GSTCD: variants seen among roughly 807,000 people sequenced by gnomAD.
GSTCD encodes the protein glutathione S-transferase C-terminal domain-containing protein.
GSTCD carries 44 observed loss-of-function variants against 68.3 expected under a neutral mutation model. That is an observed-to-expected ratio of 0.64 (90% confidence interval 0.51 to 0.83). The LOEUF (loss-of-function observed/expected upper bound fraction) is 0.83. GSTCD is among the 40% of genes least tolerant of loss of function. The probability of loss-of-function intolerance (pLI) is 0.00; values close to 1 mark genes in which losing one functional copy is unlikely to be tolerated. For synonymous variants in GSTCD, 273 were observed against 255.2 expected, an observed-to-expected ratio of 1.07 and a Z score of -0.67; for missense variants, 739 against 735.9, an observed-to-expected ratio of 1.00 and a Z score of -0.05.
At chr4:105,792,895 A>G (rs573207253) in intron 5 of GSTCD, among the ~76,000 whole-genome samples, 2 of 152,232 alleles carry the variant, frequency 1.3e-5, no homozygotes, top group South Asian at 4.1e-4. Context: ...TTTATGTGCA[A>G]ATATGAAACA....
chr4:105,787,028 T>G lies in GSTCD; in HGVS notation c.1241-35926T>G, dbSNP rs114356555. On this transcript the variant is annotated intron_variant, in intron 5 of 11. Coordinates refer to ENST00000515279, the MANE Select transcript of GSTCD (RefSeq NM_001370181.1). ...GAAAACATACACCCAAACAAAAACT[T>G]GTGCAATGAATGGTCATGTATGTGC... 7.9e-3 allele frequency among the ~76,000 whole-genome samples: 1,200 copies of G among 152,172 alleles called. 24 individuals carry two copies. Among genetic ancestry groups the G allele is most frequent in the African/African-American group, 0.027 (1,106 of 41,430 alleles).
chr4:105,825,638 C>A, intron 7 of GSTCD, 34 bp from the exon 8 acceptor site: 3 of 1,222,186 alleles, frequency 2.5e-6, no homozygotes, highest in Non-Finnish European at 2.4e-6. Context: ...AATTATGTTA[C>A]TAAATATACT....
At chr4:105,738,326 C>T (rs1452471487) in intron 5 of GSTCD, among the ~76,000 whole-genome samples, 1 of 152,108 alleles carries the variant, frequency 6.6e-6, no homozygotes, top group African/African-American at 2.4e-5. Flanking sequence ...TTGTATGAGG[C>T]CTTCAGCTTT....
At chr4:105,817,534 G>A (rs574329657) in intron 5 of GSTCD, among the ~76,000 whole-genome samples, 42 of 152,004 alleles carry the variant, frequency 2.8e-4, no homozygotes, top group Admixed American at 7.2e-4. Flanking sequence ...CAAGAAAATT[G>A]TCACATTGAG....
intron 8 of GSTCD, among the ~76,000 whole-genome samples, chr4:105,832,179 T>C (rs143740128): frequency 1.2e-4 from 19 of 152,302 alleles, no homozygotes; most frequent in African/African-American, 4.6e-4. Context: ...AACCAAACAT[T>C]ACTTATTAAA....
intron 5 of GSTCD, among the ~76,000 whole-genome samples, chr4:105,763,439 C>T (rs1459588758): frequency 6.6e-6 from 1 of 152,074 alleles, no homozygotes; most frequent in Non-Finnish European, 1.5e-5. Context: ...TGCTGTCATC[C>T]CATTGCACAG....
intron 5 of GSTCD, among the ~76,000 whole-genome samples, chr4:105,757,717 T>A (rs1370446948): frequency 2.6e-5 from 4 of 152,224 alleles, no homozygotes; most frequent in Non-Finnish European, 5.9e-5. Flanking sequence ...TTGTGATTAT[T>A]ATATTTAATT....
intron 5 of GSTCD, among the ~76,000 whole-genome samples, chr4:105,755,089 A>T: frequency 1.1e-5 from 1 of 87,112 alleles, no homozygotes; most frequent in Non-Finnish European, 2.4e-5. Context: ...AAAAAAAAAA[A>T]AAAAAAAAAA....
At chr4:105,799,903 T>C (rs920031979) in intron 5 of GSTCD, among the ~76,000 whole-genome samples, 3 of 151,838 alleles carry the variant, frequency 2.0e-5, no homozygotes, top group Non-Finnish European at 1.5e-5. Flanking sequence ...TTCTTACTTA[T>C]AAGTGGGAGC....
intron 5 of GSTCD, among the ~76,000 whole-genome samples, chr4:105,749,366 G>C (rs1733926336): frequency 6.6e-6 from 1 of 151,748 alleles, no homozygotes; most frequent in South Asian, 2.1e-4. Flanking sequence ...TGTAGCTGTA[G>C]ACAAGCTTAT....
intron 8 of GSTCD, among the ~76,000 whole-genome samples, chr4:105,829,582 G>C (rs1050296102): frequency 2.6e-5 from 4 of 152,098 alleles, no homozygotes; most frequent in African/African-American, 9.7e-5. Context: ...TTTATAAAAC[G>C]ATCAGATTTC....
At chr4:105,757,122 T>C (rs1416439740) in intron 5 of GSTCD, among the ~76,000 whole-genome samples, 4 of 152,202 alleles carry the variant, frequency 2.6e-5, no homozygotes, top group Non-Finnish European at 5.9e-5. Context: ...GTTCGTACTA[T>C]AATTCTCTGA....
At chr4:105,778,882 T>G (rs1040513508) in intron 5 of GSTCD, among the ~76,000 whole-genome samples, 2 of 152,120 alleles carry the variant, frequency 1.3e-5, no homozygotes, top group Non-Finnish European at 2.9e-5. Flanking sequence ...ATCTTTACTT[T>G]ATTTCTCTCC....
rs535505078 is a variant in GSTCD, at chr4:105,733,108, C to G, written c.1240+3609C>G. Reference sequence around the variant, plus strand: ...TTGCTGAGGAGTGCTTTACTTCCAACTATGTGGTCAATTTTGGAATAAGTG... The same window carrying G: ...TTGCTGAGGAGTGCTTTACTTCCAAGTATGTGGTCAATTTTGGAATAAGTG... On this transcript the variant is annotated intron_variant, in intron 5 of 11. Coordinates refer to ENST00000515279, the MANE Select transcript of GSTCD (RefSeq NM_001370181.1). Among the ~76,000 whole-genome samples, 15 of 152,206 alleles carry G rather than the reference C, an allele frequency of 9.9e-5. No individual in the cohort carries two copies. The South Asian group carries it at 1.2e-3, about 13-fold the overall frequency.
intron 5 of GSTCD, among the ~76,000 whole-genome samples, chr4:105,741,928 TAAG>T (rs1485325844): frequency 6.6e-6 from 1 of 151,562 alleles, no homozygotes; most frequent in African/African-American, 2.4e-5. Flanking sequence ...TGCATGATAA[TAAG>T]ATCTTTGTGA....
In GSTCD at chr4:105,845,838, G is replaced by C. The variant is rs916976502; in HGVS notation, c.*261G>C. 1 of 406,978 alleles carries C rather than the reference G, an allele frequency of 2.5e-6. No individual in the cohort carries two copies. Among genetic ancestry groups the C allele is most frequent in the Non-Finnish European group, 4.5e-6 (1 of 221,564 alleles). The allele number at this position is 406,978 out of a possible 1,614,324, so 25.2% of individuals were successfully genotyped here. A position where few individuals can be genotyped will look rare whatever the true frequency, so the allele number is the denominator to read the frequency against. On this transcript the variant is annotated 3_prime_UTR_variant, in exon 12 of 12. Transcript: ENST00000515279. ...CTCAGCTGCCAAAAGAATAATACTA[G>C]TGGAGGTTCCATCACAGGAATAACA...
chr4:105,747,280 A>G (rs149015167), intron 5 of GSTCD, among the ~76,000 whole-genome samples: 79 of 152,388 alleles, frequency 5.2e-4, no homozygotes, highest in African/African-American at 1.8e-3. Flanking sequence ...GGACATGCAG[A>G]TGCTGCTTTG....
At chr4:105,840,654 C>T (rs1003003345) in intron 10 of GSTCD, among the ~76,000 whole-genome samples, 6 of 152,218 alleles carry the variant, frequency 3.9e-5, no homozygotes, top group Non-Finnish European at 7.3e-5. Flanking sequence ...TTCATTTCAA[C>T]TCTGCCTAAT....
chr4:105,840,097 T>G (rs1371740540), intron 10 of GSTCD: 1 of 402,818 alleles, frequency 2.5e-6, no homozygotes, highest in African/African-American at 2.1e-5. Context: ...TGCCTTGCCC[T>G]TTCAGAACTT....
Sources: allele counts gnomAD v4.1 joint callset (sites outside exome capture counted in the v4.1 genomes callset), GRCh38; gene constraint gnomAD v4.1.1; transcripts MANE v1.5; gene names NCBI Gene and HGNC (gene_info 2026-07-23, HGNC 2026-07-21).